Variants in PLCG2 observed in about 807,000 individuals in gnomAD.
PLCG2 encodes the protein 1-phosphatidylinositol 4,5-bisphosphate phosphodiesterase gamma-2.
PLCG2 carries 69 observed loss-of-function variants against 175.6 expected under a neutral mutation model. That is an observed-to-expected ratio of 0.39 (90% confidence interval 0.32 to 0.48). The LOEUF is 0.48. Ranked by LOEUF, PLCG2 falls within the 20% of genes least tolerant of loss-of-function variation. The pLI is 0.91. For missense variants in PLCG2, 1,798 were observed against 1,650.9 expected, an observed-to-expected ratio of 1.09 and a Z score of -1.54; for synonymous variants, 827 against 624.0, an observed-to-expected ratio of 1.33 and a Z score of -4.85.
intron 2 of PLCG2, among the ~76,000 whole-genome samples, chr16:81,758,166 T>C (rs1909967941): frequency 6.6e-6 from 1 of 152,038 alleles, no homozygotes. Flanking sequence ...TTTGCAGAGA[T>C]GGGGTTTCGC....
In PLCG2 at chr16:81,883,311, C is replaced by G. The variant is rs561861182; in HGVS notation, c.735C>G (p.Asp245Glu). 6 of 1,614,174 alleles carry G rather than the reference C, an allele frequency of 3.7e-6. No homozygotes were observed. The East Asian group carries it at 1.1e-4, about 30-fold the overall frequency. ...ATGCCTCTGCTGTTTACCTGCATGACTTCCAGAGGTTTCTCATACATGAAC... is the reference window on the plus strand; with the variant it reads ...ATGCCTCTGCTGTTTACCTGCATGAGTTCCAGAGGTTTCTCATACATGAAC... Reference protein sequence around the residue: ...RPDASAVYLHDFQRFLIHEQQ... With the variant: ...RPDASAVYLHEFQRFLIHEQQ... The change falls in exon 9 of 33, where the codon GAC becomes GAG. Residue 245 changes from aspartate to glutamate, a missense_variant. Physicochemically the swap from Asp to Glu is conservative, Grantham distance 45 (BLOSUM62 2). Coordinates refer to ENST00000564138, the MANE Select transcript of PLCG2 (RefSeq NM_002661.5).
intron 5 of PLCG2, among the ~76,000 whole-genome samples, chr16:81,866,053 G>T (rs563656907): frequency 2.4e-5 from 3 of 127,226 alleles, no homozygotes; most frequent in African/African-American, 9.3e-5. Flanking sequence ...ATGAGAGGAC[G>T]CTGGCCTCTC....
intron 5 of PLCG2, 31 bp from the exon 6 acceptor site, chr16:81,869,183 G>A (rs1033867500): frequency 3.2e-6 from 5 of 1,568,458 alleles, no homozygotes; most frequent in East Asian, 2.2e-5. Flanking sequence ...AAACCCTCAA[G>A]GTGACAGAAC....
intron 1 of PLCG2, among the ~76,000 whole-genome samples, chr16:81,751,058 A>C (rs961416838): frequency 1.1e-4 from 15 of 137,748 alleles, no homozygotes; most frequent in Non-Finnish European, 2.1e-4. Context: ...TTGGCTCACT[A>C]CAACCTCCAC....
upstream of PLCG2, among the ~76,000 whole-genome samples, chr16:81,778,016 C>CAAAAAAAAAAAAAAAAAAAAAAAAA: frequency 2.0e-5 from 1 of 49,092 alleles, no homozygotes; most frequent in Non-Finnish European, 3.5e-5. Flanking sequence ...GACTTTGTCT[C>CAAAAAAAAAAAAAAAAAAAAAAAAA]AAAAAAAAAA....
chr16:81,786,161 G>T lies in PLCG2; in HGVS notation c.172G>T (p.Ala58Ser). ...GCGGCAGGTGGCCTGGAGCAAGACC[G>T]CTGACAAGATCGAGGGCTTCTGTGA... ...ETRQVAWSKT[A>S]DKIEGFLDIM... The change falls in exon 2 of 33, where the codon GCT (alanine) becomes TCT (serine). Residue 58 changes from alanine to serine, a missense_variant. By Grantham distance (99) the Ala-to-Ser change is moderately conservative. Transcript: ENST00000564138. The T allele has an allele frequency of 2.5e-6, 4 of 1,614,060 alleles. No homozygotes were observed. The highest frequency in any genetic ancestry group is 3.4e-6 in the Non-Finnish European group (4 of 1,179,976).
intron 2 of PLCG2, among the ~76,000 whole-genome samples, chr16:81,838,351 T>G (rs560648069): frequency 1.3e-5 from 2 of 152,200 alleles, no homozygotes; most frequent in African/African-American, 2.4e-5. Flanking sequence ...CCTCCCAAAG[T>G]GCTGGGATTA....
At chr16:81,776,645 T>C (rs8056398), upstream of PLCG2, among the ~76,000 whole-genome samples, 148,065 of 152,324 alleles carry the variant, frequency 0.97, 71,977 homozygotes, top group East Asian at 1. Context: ...ACCTCTGCCT[T>C]CTGGGTTCAA....
Position 81,870,845 on chromosome 16 carries a change from T to C in PLCG2, c.565-7T>C. On this transcript the variant is annotated splice_region_variant and splice_polypyrimidine_tract_variant and intron_variant, in intron 6 of 32. Transcript: ENST00000564138. ...AAATCATGTGGTCACTTTTTTCATATTTACAGGAAATAGGAGCACACAAAG... is the reference window on the plus strand; with the variant it reads ...AAATCATGTGGTCACTTTTTTCATACTTACAGGAAATAGGAGCACACAAAG... The C allele has an allele frequency of 6.5e-7, 1 of 1,546,386 alleles. No homozygotes were observed.
intron 2 of PLCG2, among the ~76,000 whole-genome samples, chr16:81,833,939 A>G (rs1353533433): frequency 6.6e-6 from 1 of 152,148 alleles, no homozygotes; most frequent in East Asian, 1.9e-4. Flanking sequence ...CCTGACTTCA[A>G]AGGAAGCATT....
chr16:81,926,918 G>A (rs888301915), intron 22 of PLCG2, among the ~76,000 whole-genome samples, 164 bp from the exon 23 acceptor site: 2 of 152,190 alleles, frequency 1.3e-5, no homozygotes, highest in Non-Finnish European at 2.9e-5. Flanking sequence ...AAAGACAGCA[G>A]TTGCCTTTGA....
At chr16:81,949,247 A>C (rs1214993663) in intron 31 of PLCG2, among the ~76,000 whole-genome samples, 2 of 152,198 alleles carry the variant, frequency 1.3e-5, no homozygotes. Context: ...GAATAAAGGA[A>C]GTGTTTCTCT....
At chr16:81,875,153 G>T (rs924528536) in intron 7 of PLCG2, among the ~76,000 whole-genome samples, 5 of 151,676 alleles carry the variant, frequency 3.3e-5, no homozygotes, top group Non-Finnish European at 7.4e-5. Flanking sequence ...TAATTGAAAC[G>T]GGGTTTCACC....
chr16:81,876,475 T>C (rs75475854), intron 7 of PLCG2, among the ~76,000 whole-genome samples: 118 of 152,246 alleles, frequency 7.8e-4, no homozygotes, highest in African/African-American at 2.8e-3. Context: ...TCCCTCCCTT[T>C]CTTAGTGCCC....
chr16:81,742,384 C>T (rs1034655500), intron 1 of PLCG2, among the ~76,000 whole-genome samples: 1 of 152,144 alleles, frequency 6.6e-6, no homozygotes. Context: ...TGCTGCTTCA[C>T]AGGTGATGAC....
At chr16:81,798,804 G>C (rs1489797074) in intron 2 of PLCG2, 1 of 152,344 alleles carries the variant, frequency 6.6e-6, no homozygotes, top group Non-Finnish European at 1.5e-5. Flanking sequence ...GCTCAGAAGA[G>C]GTGGAGGAGG....
Position 81,880,791 on chromosome 16 carries a change from T to C in PLCG2, c.649-119T>C, listed in dbSNP as rs866238843. On this transcript the variant is annotated intron_variant, in intron 7 of 32. Transcript: ENST00000564138. ...ACAACTAACATCAACTAAAATGATATTTTTAATGATCTTGTTGCATCTGAC... is the reference window on the plus strand; with the variant it reads ...ACAACTAACATCAACTAAAATGATACTTTTAATGATCTTGTTGCATCTGAC... 4 of 868,652 alleles carry C rather than the reference T, an allele frequency of 4.6e-6. No individual in the cohort carries two copies. The African/African-American group carries it at 5.0e-5, about 11-fold the overall frequency. The allele number at this position is 868,652 out of a possible 1,614,324, so 53.8% of individuals were successfully genotyped here.
chr16:81,922,275 T>C (rs1910091416), intron 21 of PLCG2, among the ~76,000 whole-genome samples: 1 of 152,208 alleles, frequency 6.6e-6, no homozygotes, highest in Non-Finnish European at 1.5e-5. Context: ...ATGGATCCAG[T>C]TCTGGGCTGA....
chr16:81,741,890 T>C (rs924782730), intron 1 of PLCG2, among the ~76,000 whole-genome samples: 2 of 152,312 alleles, frequency 1.3e-5, no homozygotes, highest in South Asian at 4.1e-4. Context: ...GTTGTGAACA[T>C]TGAAAATCTC....
Sources: allele counts gnomAD v4.1 joint callset (sites outside exome capture counted in the v4.1 genomes callset), GRCh38; gene constraint gnomAD v4.1.1; transcripts MANE v1.5; gene names NCBI Gene and HGNC (gene_info 2026-07-23, HGNC 2026-07-21).